Variants in CASR observed in about 807,000 individuals in gnomAD.
The protein encoded by CASR is calcium sensing receptor.
CASR carries 23 observed loss-of-function variants against 69.1 expected under a neutral mutation model. The ratio of observed to expected loss-of-function variants is 0.33; its 90% CI spans 0.24 to 0.47. CASR has a LOEUF of 0.47. Ranked by LOEUF, CASR falls within the 20% of genes least tolerant of loss-of-function variation. The probability of loss-of-function intolerance (pLI) is 1.00; values close to 1 mark genes in which losing one functional copy is unlikely to be tolerated. For missense variants in CASR, 924 were observed against 1,356.1 expected (o/e 0.68, Z 5.00); for synonymous variants, 541 against 544.7 (o/e 0.99, Z 0.10).
chr3:122,261,736 A>G lies in CASR; in HGVS notation c.701A>G (p.Asp234Gly). 1 of 1,614,220 alleles carries G rather than the reference A, an allele frequency of 6.2e-7. No individual in the cohort carries two copies. Among genetic ancestry groups the G allele is most frequent in the Non-Finnish European group, 8.5e-7 (1 of 1,180,030 alleles). Residue 234 changes from aspartate (D) to glycine (G), a missense_variant, in exon 4 of 7, where the codon GAT becomes GGT. Asp to Gly is a moderately conservative substitution (Grantham distance 94, BLOSUM62 -1). Coordinates refer to ENST00000639785, the MANE Select transcript of CASR (RefSeq NM_000388.4). ...EKFREEAEER[D>G]ICIDFSELIS... ...TTCCGAGAGGAAGCTGAGGAAAGGG[A>G]TATCTGCATCGACTTCAGTGAACTC...
intron 1 of CASR, among the ~76,000 whole-genome samples, chr3:122,240,816 A>AATGCCTTAAGCAGGAG (rs2074372631): frequency 1.3e-5 from 2 of 152,224 alleles, no homozygotes; most frequent in Non-Finnish European, 2.9e-5. Context: ...CAAAAAATTG[A>AATGCCTTAAGCAGGAG]AATAATATCA....
chr3:122,227,627 G>A (rs541204985), intron 1 of CASR, among the ~76,000 whole-genome samples: 6 of 152,236 alleles, frequency 3.9e-5, no homozygotes, highest in Non-Finnish European at 2.9e-5. Context: ...GGCTCCCACA[G>A]CGCAGCAGTG....
intron 1 of CASR, among the ~76,000 whole-genome samples, chr3:122,195,462 G>A (rs1488251484): frequency 6.6e-6 from 1 of 152,128 alleles, no homozygotes; most frequent in African/African-American, 2.4e-5. Context: ...TTCCTTTGGT[G>A]TGTTCTGTAA....
At chr3:122,272,404 C>T (rs2074770647) in intron 4 of CASR, among the ~76,000 whole-genome samples, 1 of 152,062 alleles carries the variant, frequency 6.6e-6, no homozygotes, top group South Asian at 2.1e-4. Flanking sequence ...GATCTCTTTA[C>T]TGGCCCCATA....
intron 1 of CASR, among the ~76,000 whole-genome samples, chr3:122,216,085 A>T (rs1227754620): frequency 6.6e-6 from 1 of 152,246 alleles, no homozygotes; most frequent in Non-Finnish European, 1.5e-5. Context: ...TCTTTTGCAA[A>T]TGATTAAGCC....
intron 1 of CASR, among the ~76,000 whole-genome samples, chr3:122,252,465 AAAG>A (rs1365011416): frequency 8.8e-6 from 1 of 113,596 alleles, no homozygotes; most frequent in African/African-American, 3.5e-5. Context: ...AAAAGAAAGA[AAAG>A]AAAAGAAGGG....
intron 1 of CASR, among the ~76,000 whole-genome samples, chr3:122,248,323 A>C (rs2074448107): frequency 6.6e-6 from 1 of 152,204 alleles, no homozygotes; most frequent in African/African-American, 2.4e-5. Flanking sequence ...AGCAAGAGGT[A>C]AAGGAAGCTG....
chr3:122,191,890 T>C (rs2073843235), intron 1 of CASR, among the ~76,000 whole-genome samples: 2 of 152,246 alleles, frequency 1.3e-5, no homozygotes. Context: ...AATTTCCTTA[T>C]CAGGAACATT....
At chr3:122,238,516 A>G (rs1244046300) in intron 1 of CASR, among the ~76,000 whole-genome samples, 1 of 152,184 alleles carries the variant, frequency 6.6e-6, no homozygotes, top group African/African-American at 2.4e-5. Flanking sequence ...TAACTAAGCA[A>G]TTCCTAGTGC....
intron 1 of CASR, among the ~76,000 whole-genome samples, chr3:122,196,947 C>CT (rs1021678488): frequency 1.3e-5 from 2 of 151,750 alleles, no homozygotes; most frequent in East Asian, 1.9e-4. Flanking sequence ...CCTCAGTTAC[C>CT]TTTTTTTTGT....
In CASR at chr3:122,284,098, A is replaced by C. The variant is rs1372467536; in HGVS notation, c.2144A>C (p.His715Pro). ...VFEAKIPTSF[H>P]RKWWGLNLQF... ...GAGGCCAAGATCCCCACCAGCTTCC[A>C]CCGCAAGTGGTGGGGGCTCAACCTG... The change falls in exon 7 of 7, where the codon CAC becomes CCC. Residue 715 changes from histidine (H) to proline (P), a missense_variant. By Grantham distance (77) the His-to-Pro change is moderately conservative. Transcript: ENST00000639785. 6.2e-7 allele frequency: 1 copy of C among 1,613,978 alleles called. No homozygotes were observed. Among genetic ancestry groups the C allele is most frequent in the Non-Finnish European group, 8.5e-7 (1 of 1,179,998 alleles).
intron 1 of CASR, among the ~76,000 whole-genome samples, chr3:122,238,774 G>A (rs1325976161): frequency 6.6e-6 from 1 of 152,204 alleles, no homozygotes; most frequent in Non-Finnish European, 1.5e-5. Context: ...GAGTCATAAG[G>A]CCTCCATTCC....
At chr3:122,240,397 A>G (rs2074368950) in intron 1 of CASR, among the ~76,000 whole-genome samples, 1 of 152,256 alleles carries the variant, frequency 6.6e-6, no homozygotes. Context: ...TACTTATATC[A>G]CATGAAATGA....
At chr3:122,234,304 A>G (rs774705859) in intron 1 of CASR, among the ~76,000 whole-genome samples, 5 of 152,230 alleles carry the variant, frequency 3.3e-5, no homozygotes, top group Non-Finnish European at 7.3e-5. Context: ...GTGATTAGGC[A>G]TGACTGTATT....
At chr3:122,209,947 C>A (rs2074045834) in intron 1 of CASR, among the ~76,000 whole-genome samples, 1 of 152,074 alleles carries the variant, frequency 6.6e-6, no homozygotes, top group African/African-American at 2.4e-5. Context: ...ACAAATAAAT[C>A]AATGTAATTC....
intron 1 of CASR, among the ~76,000 whole-genome samples, chr3:122,190,414 G>GT (rs1474684211): frequency 6.6e-6 from 1 of 152,152 alleles, no homozygotes; most frequent in African/African-American, 2.4e-5. Context: ...CACTGCAGTG[G>GT]TAATAGCCTA....
chr3:122,280,244 A>C lies in CASR; in HGVS notation c.1609-1869A>C, dbSNP rs565190396. On this transcript the variant is annotated intron_variant, in intron 5 of 6. Transcript: ENST00000639785. ...TAAAAGCCATTTATGACAAACCCAC[A>C]GCCAATATCATACTGAAAAGGCAAA... 3.2e-4 allele frequency among the ~76,000 whole-genome samples: 49 copies of C among 152,328 alleles called. 1 individual carries two copies. In the East Asian group the frequency reaches 4.0e-3, roughly 13 times the overall value.
At chr3:122,188,466 G>A (rs117069528) in intron 1 of CASR, among the ~76,000 whole-genome samples, 4 of 152,198 alleles carry the variant, frequency 2.6e-5, no homozygotes, top group Admixed American at 2.0e-4. Context: ...AGGAATCTGG[G>A]AAGTGCTTGT....
intron 3 of CASR, among the ~76,000 whole-genome samples, chr3:122,259,173 A>G (rs1195198540): frequency 6.6e-6 from 1 of 152,206 alleles, no homozygotes; most frequent in African/African-American, 2.4e-5. Flanking sequence ...CTTGGTAAAC[A>G]TTATAAATAC....
Sources: gnomAD v4.1 joint callset for allele counts (sites outside exome capture counted in the v4.1 genomes callset) on GRCh38, gnomAD v4.1.1 for gene constraint, MANE v1.5 for transcripts, NCBI Gene and HGNC (gene_info 2026-07-23, HGNC 2026-07-21) for gene names.